The following PLAC1 variants were observed in gnomAD, a reference collection of about 807,000 sequenced individuals.
The protein encoded by PLAC1 is placenta associated 1, also known as placenta-specific protein 1.
For synonymous variants in PLAC1, 68 were observed against 62.1 expected (o/e 1.09, Z -0.44); for missense variants, 136 against 163.2 (o/e 0.83, Z 0.91).
intron 1 of PLAC1, among the ~76,000 whole-genome samples, chrX:134,624,574 G>A (rs1179470183): frequency 8.9e-6 from 1 of 111,993 alleles, no homozygotes; most frequent in African/African-American, 3.2e-5. Flanking sequence ...TCAAGCCAAA[G>A]GCTTGTAAAG....
intron 2 of PLAC1, among the ~76,000 whole-genome samples, chrX:134,587,170 A>C (rs1421011351): frequency 1.8e-5 from 2 of 110,312 alleles, no homozygotes; most frequent in Non-Finnish European, 3.8e-5. Context: ...CATGCAGGTC[A>C]CATCCTAGTA....
intron 2 of PLAC1, among the ~76,000 whole-genome samples, chrX:134,725,068 T>A (rs959531952): frequency 3.6e-5 from 4 of 111,937 alleles, no homozygotes; most frequent in African/African-American, 1.3e-4. Context: ...TTTTTACCTT[T>A]CTGAGCCCCA....
chrX:134,615,963 T>C (rs1368544829), intron 1 of PLAC1, among the ~76,000 whole-genome samples: 2 of 110,407 alleles, frequency 1.8e-5, no homozygotes, highest in Non-Finnish European at 3.8e-5. Context: ...TTATACTGTT[T>C]TGATTACTAT....
At chrX:134,634,294 C>T (rs951523396) in intron 1 of PLAC1, among the ~76,000 whole-genome samples, 1 of 112,151 alleles carries the variant, frequency 8.9e-6, no homozygotes, top group Non-Finnish European at 1.9e-5. Flanking sequence ...GGAGTGCAAG[C>T]CTAACTGGGT....
At chrX:134,707,928 GTA>G (rs2078611790) in intron 2 of PLAC1, among the ~76,000 whole-genome samples, 1 of 111,880 alleles carries the variant, frequency 8.9e-6, no homozygotes, top group South Asian at 3.7e-4. Context: ...TAAGTTATGT[GTA>G]TGTCACGTTA....
chrX:134,669,407 C>T (rs1443253211), intron 2 of PLAC1, among the ~76,000 whole-genome samples: 1 of 112,243 alleles, frequency 8.9e-6, no homozygotes, highest in African/African-American at 3.2e-5. Flanking sequence ...AATCAAGATA[C>T]TGATGTTAAT....
At chrX:134,757,885 G>C (rs1467305070) in intron 1 of PLAC1, among the ~76,000 whole-genome samples, 6 of 110,717 alleles carry the variant, frequency 5.4e-5, no homozygotes, top group Non-Finnish European at 1.1e-4. Flanking sequence ...CTTCATGAAG[G>C]GTATATGGGT....
intron 1 of PLAC1, among the ~76,000 whole-genome samples, chrX:134,620,245 T>C (rs2078204406): frequency 1.8e-5 from 2 of 112,585 alleles, no homozygotes; most frequent in South Asian, 3.7e-4. Flanking sequence ...TAGTGGCCCA[T>C]GTTATTTCAA....
chrX:134,618,383 T>C (rs2078194915), intron 1 of PLAC1, among the ~76,000 whole-genome samples: 1 of 111,087 alleles, frequency 9.0e-6, no homozygotes, highest in Non-Finnish European at 1.9e-5. Flanking sequence ...GCACTTACTA[T>C]GTTTCCAGCA....
intron 2 of PLAC1, among the ~76,000 whole-genome samples, chrX:134,723,594 T>C (rs897697371): frequency 9.0e-6 from 1 of 111,274 alleles, no homozygotes; most frequent in Non-Finnish European, 1.9e-5. Context: ...ATTACAGACA[T>C]GAGCCCCAGC....
chrX:134,666,356 T>C (rs1303952806), intron 2 of PLAC1, among the ~76,000 whole-genome samples: 1 of 111,003 alleles, frequency 9.0e-6, no homozygotes, highest in Non-Finnish European at 1.9e-5. Context: ...CATTGCCAAC[T>C]TGCTGGGGGA....
At chrX:134,586,401 C>T (rs899466881) in intron 2 of PLAC1, among the ~76,000 whole-genome samples, 10 of 112,013 alleles carry the variant, frequency 8.9e-5, no homozygotes, top group South Asian at 3.7e-4. Flanking sequence ...CCCCTTAAAG[C>T]GATTTAGTAA....
intron 2 of PLAC1, among the ~76,000 whole-genome samples, chrX:134,584,494 T>C (rs1244874180): frequency 9.0e-6 from 1 of 111,346 alleles, no homozygotes; most frequent in East Asian, 2.8e-4. Flanking sequence ...TGGACACCTG[T>C]GCACACAGGT....
At chrX:134,762,836 A>G (rs1337681456) in intron 1 of PLAC1, among the ~76,000 whole-genome samples, 1 of 105,906 alleles carries the variant, frequency 9.4e-6, no homozygotes, top group African/African-American at 3.4e-5. Context: ...AAAAAAAAAA[A>G]AAAAAAAAAA....
rs755573600 is a variant in PLAC1, at chrX:134,739,663, C to A, written n.90-6144G>T. 1.2e-3 allele frequency among the ~76,000 whole-genome samples: 130 copies of A among 113,013 alleles called. 1 individual carries two copies. The highest frequency in any genetic ancestry group is 4.0e-3 in the African/African-American group (126 of 31,151). On this transcript the variant is annotated intron_variant and non_coding_transcript_variant, in intron 1 of 2. Transcript: ENST00000466797. ...TTTTGGGGTGTCCGTGCCAGAATGG[C>A]AATGTAGAATAAGATCTGCCCCTTT...
intron 2 of PLAC1, among the ~76,000 whole-genome samples, chrX:134,700,406 TG>T (rs768823406): frequency 8.9e-6 from 1 of 111,817 alleles, no homozygotes; most frequent in Non-Finnish European, 1.9e-5. Flanking sequence ...TAAAATACAT[TG>T]TATGACACTA....
At chrX:134,578,425 A>G (rs1485900127) in intron 2 of PLAC1, among the ~76,000 whole-genome samples, 26 of 31,711 alleles carry the variant, frequency 8.2e-4, no homozygotes, top group African/African-American at 1.6e-3. Context: ...AAAAAAAAAA[A>G]AAAAGAAAAG....
chrX:134,595,817 G>T (rs1206981191), intron 2 of PLAC1, among the ~76,000 whole-genome samples: 1 of 109,327 alleles, frequency 9.1e-6, no homozygotes, highest in East Asian at 2.9e-4. Context: ...TATCCACTCT[G>T]CCAGTCTCTG....
At chrX:134,739,084 C>T (rs764762514) in intron 1 of PLAC1, among the ~76,000 whole-genome samples, 1 of 112,002 alleles carries the variant, frequency 8.9e-6, no homozygotes, top group African/African-American at 3.3e-5. Flanking sequence ...TGTTTCATAT[C>T]GTGCTGTTAA....
Sources: allele counts gnomAD v4.1 joint callset (sites outside exome capture counted in the v4.1 genomes callset), GRCh38; gene constraint gnomAD v4.1.1; transcripts MANE v1.5; gene names NCBI Gene and HGNC (gene_info 2026-07-23, HGNC 2026-07-21).